The following CNTNAP5 variants were observed in gnomAD, a reference collection of about 807,000 sequenced individuals.
CNTNAP5 encodes the protein contactin associated protein family member 5.
In CNTNAP5, 72 loss-of-function variants were observed where a neutral mutation model predicts 150.2. The observed-to-expected ratio is 0.48, with a 90% CI of 0.40 to 0.58. The LOEUF (loss-of-function observed/expected upper bound fraction) is 0.58, where lower values mean the gene tolerates loss of function less well. CNTNAP5 is among the 20% of genes least tolerant of loss of function. The pLI, the probability that CNTNAP5 is intolerant of heterozygous loss-of-function variation, is 0.00. For synonymous variants in CNTNAP5, 672 were observed against 619.8 expected (o/e 1.08, Z -1.25); for missense variants, 1,636 against 1,626.2 (o/e 1.01, Z -0.10).
chr2:124,744,015 A>C (rs1680554919), intron 13 of CNTNAP5, among the ~76,000 whole-genome samples: 1 of 152,120 alleles, frequency 6.6e-6, no homozygotes, highest in Non-Finnish European at 1.5e-5. Context: ...TATGGTTTAA[A>C]ATTGTAACAC....
chr2:124,834,456 C>A (rs571049726), intron 19 of CNTNAP5, among the ~76,000 whole-genome samples: 143 of 152,220 alleles, frequency 9.4e-4, no homozygotes, highest in Non-Finnish European at 1.5e-3. Flanking sequence ...CACCACGTTT[C>A]CTAGCCAGCT....
chr2:124,186,991 C>T (rs1010099427), intron 1 of CNTNAP5, among the ~76,000 whole-genome samples: 4 of 152,052 alleles, frequency 2.6e-5, no homozygotes, highest in Admixed American at 6.6e-5. Flanking sequence ...GGAGGAAATG[C>T]GAGACATGAG....
At chr2:124,252,813 A>T (rs964156600) in intron 3 of CNTNAP5, among the ~76,000 whole-genome samples, 1 of 152,146 alleles carries the variant, frequency 6.6e-6, no homozygotes, top group South Asian at 2.1e-4. Flanking sequence ...TTGAGGTATT[A>T]AAGTTTGCAA....
intron 3 of CNTNAP5, among the ~76,000 whole-genome samples, chr2:124,363,358 C>G (rs1290049284): frequency 6.6e-6 from 1 of 152,002 alleles, no homozygotes; most frequent in Non-Finnish European, 1.5e-5. Flanking sequence ...AGACTCCCCT[C>G]CTGAACTCTA....
At chr2:124,455,022 A>C (rs2104814569) in intron 6 of CNTNAP5, among the ~76,000 whole-genome samples, 1 of 152,280 alleles carries the variant, frequency 6.6e-6, no homozygotes, top group East Asian at 1.9e-4. Context: ...CAAATCCAGC[A>C]GAAGAAAGGA....
chr2:124,196,771 C>T (rs1685595858), intron 1 of CNTNAP5, among the ~76,000 whole-genome samples: 1 of 152,176 alleles, frequency 6.6e-6, no homozygotes, highest in African/African-American at 2.4e-5. Context: ...ATAGTCAAAG[C>T]TTACACAGGG....
intron 3 of CNTNAP5, among the ~76,000 whole-genome samples, chr2:124,375,216 A>T (rs568925348): frequency 3.3e-5 from 5 of 152,128 alleles, no homozygotes; most frequent in African/African-American, 1.2e-4. Flanking sequence ...CATGGCCTGA[A>T]AGTATCTCTC....
chr2:124,176,317 A>G (rs1275757849), intron 1 of CNTNAP5, among the ~76,000 whole-genome samples: 1 of 152,236 alleles, frequency 6.6e-6, no homozygotes, highest in Non-Finnish European at 1.5e-5. Context: ...AAAGAGAAGG[A>G]AAGCCATTTA....
chr2:124,553,525 G>T (rs188441056), intron 10 of CNTNAP5, among the ~76,000 whole-genome samples: 1 of 143,352 alleles, frequency 7.0e-6, no homozygotes, highest in Non-Finnish European at 1.5e-5. Context: ...AAAAAAGTTA[G>T]AATGCATAAG....
At chr2:124,823,659 C>A (rs1682535533) in intron 19 of CNTNAP5, among the ~76,000 whole-genome samples, 1 of 152,150 alleles carries the variant, frequency 6.6e-6, no homozygotes, top group Non-Finnish European at 1.5e-5. Context: ...ATGGATGAGT[C>A]ACCACTCTGA....
chr2:124,271,626 C>T (rs1254965069), intron 3 of CNTNAP5, among the ~76,000 whole-genome samples: 5 of 151,860 alleles, frequency 3.3e-5, no homozygotes, highest in African/African-American at 1.2e-4. Context: ...GGAAAAGATA[C>T]AGCTTTAATT....
chr2:124,904,317 A>G (rs549026036), intron 22 of CNTNAP5, among the ~76,000 whole-genome samples: 2 of 152,210 alleles, frequency 1.3e-5, no homozygotes, highest in Admixed American at 6.5e-5. Context: ...ATCTTTTTTA[A>G]TGCTGAAAAT....
chr2:124,378,607 A>G (rs550683645), intron 3 of CNTNAP5, among the ~76,000 whole-genome samples: 1 of 152,190 alleles, frequency 6.6e-6, no homozygotes, highest in African/African-American at 2.4e-5. Flanking sequence ...ACTTCTGTAC[A>G]ATTATGTTGC....
chr2:124,082,450 A>T (rs1583715), intron 1 of CNTNAP5, among the ~76,000 whole-genome samples: 56,164 of 151,688 alleles, frequency 0.37, 11,014 homozygotes, highest in Admixed American at 0.44. Flanking sequence ...TGGAGTTGCA[A>T]GTATCAACTA....
At chr2:124,113,377 A>G (rs116350254) in intron 1 of CNTNAP5, among the ~76,000 whole-genome samples, 1,994 of 152,230 alleles carry the variant, frequency 0.013, 44 homozygotes, top group African/African-American at 0.046. Context: ...TTTATTGTAC[A>G]AATTTAAATA....
At chr2:124,346,971 C>T (rs1689752498) in intron 3 of CNTNAP5, among the ~76,000 whole-genome samples, 1 of 150,536 alleles carries the variant, frequency 6.6e-6, no homozygotes, top group Non-Finnish European at 1.5e-5. Context: ...TGCCTGTAGT[C>T]CCAGCTACTC....
intron 3 of CNTNAP5, among the ~76,000 whole-genome samples, chr2:124,408,364 G>A (rs374511186): frequency 3.7e-4 from 56 of 149,618 alleles, no homozygotes; most frequent in South Asian, 6.4e-4. Flanking sequence ...GGGAAGCTCG[G>A]ACTGGGTGGA....
At position 124,794,893 on chromosome 2, in the gene CNTNAP5, G is replaced by T. The variant is rs1573622135; in HGVS notation, c.2993-3203G>T. Reference sequence around the variant, plus strand: ...CACTCATGATAAACACGTAGCCACAGGATCATTATTATAATAAAAGTATAA... The same window carrying T: ...CACTCATGATAAACACGTAGCCACATGATCATTATTATAATAAAAGTATAA... On this transcript the variant is annotated intron_variant, in intron 18 of 23. Coordinates refer to ENST00000682447, the MANE Select transcript of CNTNAP5 (RefSeq NM_001367498.1). Among the ~76,000 whole-genome samples, 7 of 152,202 alleles carry T rather than the reference G, an allele frequency of 4.6e-5. No individual in the cohort carries two copies. In the South Asian group the frequency reaches 1.5e-3, roughly 32 times the overall value.
intron 13 of CNTNAP5, among the ~76,000 whole-genome samples, chr2:124,692,762 A>G (rs17011878): frequency 0.012 from 1,894 of 152,282 alleles, 40 homozygotes; most frequent in African/African-American, 0.043. Context: ...TTATATGCAG[A>G]TGATGGGATT....
Sources: gnomAD v4.1 joint callset for allele counts (sites outside exome capture counted in the v4.1 genomes callset) on GRCh38, gnomAD v4.1.1 for gene constraint, MANE v1.5 for transcripts, NCBI Gene and HGNC (gene_info 2026-07-23, HGNC 2026-07-21) for gene names.